Variants in PDE5A observed in about 807,000 individuals in gnomAD.
PDE5A encodes the protein cGMP-specific 3',5'-cyclic phosphodiesterase.
In PDE5A, 67 loss-of-function variants were observed where a neutral mutation model predicts 110.2. That is an observed-to-expected ratio of 0.61 (90% CI 0.50 to 0.75). The LOEUF is 0.75. PDE5A is among the 30% of genes least tolerant of loss of function. The pLI is 0.00. For missense variants in PDE5A, 862 were observed against 1,045.1 expected (o/e 0.82, Z 2.42); for synonymous variants, 328 against 351.2 (o/e 0.93, Z 0.74).
At chr4:119,574,738 T>C (rs1179345361) in intron 3 of PDE5A, among the ~76,000 whole-genome samples, 1 of 152,086 alleles carries the variant, frequency 6.6e-6, no homozygotes, top group Non-Finnish European at 1.5e-5. Context: ...GAACCACTTA[T>C]GCAACATTAA....
chr4:119,613,120 A>T (rs1472032745), intron 1 of PDE5A, among the ~76,000 whole-genome samples: 2 of 152,222 alleles, frequency 1.3e-5, no homozygotes, highest in African/African-American at 4.8e-5. Context: ...TATCTTTATG[A>T]CCCTGCTGCA....
At chr4:119,558,916 C>CA (rs11392885) in intron 7 of PDE5A, among the ~76,000 whole-genome samples, 50,425 of 104,208 alleles carry the variant, frequency 0.48, 13,322 homozygotes, top group South Asian at 0.69. Flanking sequence ...GACTCCGTCT[C>CA]AAAAAAAAAA....
chr4:119,500,398 T>G (rs988896041), intron 20 of PDE5A: 1 of 151,462 alleles, frequency 6.6e-6, no homozygotes, highest in African/African-American at 2.4e-5. Flanking sequence ...TAGATGCACC[T>G]CTCCCACTAA....
intron 11 of PDE5A, among the ~76,000 whole-genome samples, chr4:119,527,939 A>G (rs368208425): frequency 6.6e-6 from 1 of 152,248 alleles, no homozygotes; most frequent in Non-Finnish European, 1.5e-5. Context: ...TGAGAGCACA[A>G]TGTCTCTGAA....
Position 119,525,580 on chromosome 4 carries a change from T to C in PDE5A, c.1748A>G (p.Asn583Ser), listed in dbSNP as rs1200071649. The change falls in exon 12 of 21, where the codon AAC (asparagine) becomes AGC (serine). Residue 583 changes from asparagine (N) to serine (S), a missense_variant. By Grantham distance (46) the Asn-to-Ser change is conservative (BLOSUM62 1). Coordinates refer to ENST00000354960, the MANE Select transcript of PDE5A (RefSeq NM_001083.4). This position sits in a 1 kb window ranked among gnomAD's most constrained non-coding sequence, Gnocchi z 4.3. ...LCTIRMFTDL[N>S]LVQNFQMKHE... ...TTTCATCTGGAAGTTCTGCACAAGG[T>C]TGAGGTCAGTAAACATCCGAATTGT... 6.2e-7 allele frequency: 1 copy of C among 1,613,184 alleles called. No individual in the cohort carries two copies. The highest frequency in any genetic ancestry group is 8.5e-7 in the Non-Finnish European group (1 of 1,179,432).
At chr4:119,622,864 G>GAAA (rs369291602) in intron 1 of PDE5A, among the ~76,000 whole-genome samples, 14 of 97,202 alleles carry the variant, frequency 1.4e-4, no homozygotes, top group South Asian at 3.8e-4. Flanking sequence ...ACTCCGTCTC[G>GAAA]AAAAAAAAAA....
intron 4 of PDE5A, among the ~76,000 whole-genome samples, chr4:119,565,863 CA>C (rs1330465998): frequency 2.0e-5 from 3 of 151,288 alleles, no homozygotes; most frequent in African/African-American, 7.3e-5. Flanking sequence ...TTAAATATGT[CA>C]TTTTTAACAT....
intron 11 of PDE5A, among the ~76,000 whole-genome samples, chr4:119,534,970 C>A (rs1378831495): frequency 6.6e-6 from 1 of 152,174 alleles, no homozygotes; most frequent in East Asian, 1.9e-4. Context: ...AAGGACTGAA[C>A]TGAAACAGCA....
chr4:119,508,616 G>T, intron 15 of PDE5A, among the ~76,000 whole-genome samples: 1 of 151,946 alleles, frequency 6.6e-6, no homozygotes, highest in East Asian at 1.9e-4. Flanking sequence ...TTGTGGCATG[G>T]ATCTAATTAA....
chr4:119,612,825 T>G (rs1729803169), intron 1 of PDE5A, among the ~76,000 whole-genome samples: 1 of 144,866 alleles, frequency 6.9e-6, no homozygotes, highest in Non-Finnish European at 1.6e-5. Flanking sequence ...AAGCTATTTG[T>G]TATAGCAGCC....
At chr4:119,623,354 T>A (rs1232063057) in intron 1 of PDE5A, among the ~76,000 whole-genome samples, 2 of 152,216 alleles carry the variant, frequency 1.3e-5, no homozygotes, top group Admixed American at 1.3e-4. Flanking sequence ...ATCAATCAAC[T>A]CATTGATTTA....
At chr4:119,509,523 C>G (rs562524976) in intron 15 of PDE5A, among the ~76,000 whole-genome samples, 1 of 151,866 alleles carries the variant, frequency 6.6e-6, no homozygotes, top group Non-Finnish European at 1.5e-5. Context: ...TGTATATGCA[C>G]GAGCCAAAGG....
intron 10 of PDE5A, 79 bp from the exon 11 acceptor site, chr4:119,539,098 T>C (rs563596385): frequency 1.9e-6 from 2 of 1,061,712 alleles, no homozygotes; most frequent in African/African-American, 1.6e-5. Context: ...CTTGGAATTC[T>C]GCTAAGTCTT....
intron 2 of PDE5A, among the ~76,000 whole-genome samples, chr4:119,602,898 A>G (rs1436911478): frequency 3.9e-5 from 6 of 152,198 alleles, no homozygotes; most frequent in African/African-American, 1.2e-4. Context: ...TCTAGAAATC[A>G]TGGTTCACAT....
chr4:119,504,441 T>C lies in PDE5A; in HGVS notation c.2331+95A>G, dbSNP rs973244811. 2.1e-4 allele frequency: 186 copies of C among 884,216 alleles called. 1 individual carries two copies. The highest frequency in any genetic ancestry group is 1.6e-3 in the South Asian group (105 of 63,898). 54.8% of individuals were successfully genotyped at this position (884,216 alleles called of 1,614,324 possible). A position where few individuals can be genotyped will look rare whatever the true frequency, so the allele number is the denominator to read the frequency against. ...TATAAGTGTCTTTTTTATATAGTCA[T>C]TTATTTTTCTTTAGGTAGATACCTA... is the stretch of plus-strand genomic sequence containing the variant. On this transcript the variant is annotated intron_variant, in intron 18 of 20. Transcript: ENST00000354960.
intron 1 of PDE5A, among the ~76,000 whole-genome samples, chr4:119,610,192 G>A (rs1049743889): frequency 3.3e-5 from 5 of 152,194 alleles, no homozygotes; most frequent in African/African-American, 1.2e-4. Flanking sequence ...GAAAACCTTA[G>A]AAGTGAAGGT....
At chr4:119,599,008 C>G (rs1321372969) in intron 2 of PDE5A, among the ~76,000 whole-genome samples, 1 of 152,090 alleles carries the variant, frequency 6.6e-6, no homozygotes, top group Non-Finnish European at 1.5e-5. Flanking sequence ...CAATGGAGTT[C>G]CAGCCCAGCC....
chr4:119,623,155 T>C (rs1440773140), intron 1 of PDE5A, among the ~76,000 whole-genome samples: 1 of 152,190 alleles, frequency 6.6e-6, no homozygotes, highest in Non-Finnish European at 1.5e-5. Context: ...TTCCTAGGTA[T>C]GTGGCTCACA....
rs975477648 is a variant in PDE5A, at chr4:119,518,986, A to C, written c.2000+59T>G. The C allele has an allele frequency of 4.0e-6, 5 of 1,252,984 alleles. No homozygotes were observed. In the African/African-American group the frequency reaches 4.4e-5, roughly 11 times the overall value. 77.6% of individuals were successfully genotyped at this position (1,252,984 alleles called of 1,614,324 possible). On this transcript the variant is annotated intron_variant, in intron 14 of 20. Coordinates refer to ENST00000354960, the MANE Select transcript of PDE5A (RefSeq NM_001083.4). ...AAATTTTGCTGTGGCTTTAACTTAA[A>C]AAAAGACAGCCCTACAATTAAAAGA...
Sources: allele counts gnomAD v4.1 joint callset (sites outside exome capture counted in the v4.1 genomes callset), GRCh38; gene constraint gnomAD v4.1.1; non-coding constraint Gnocchi (gnomAD v3.1); transcripts MANE v1.5; gene names NCBI Gene and HGNC (gene_info 2026-07-23, HGNC 2026-07-21).